PXDN: variants seen among roughly 807,000 people sequenced by gnomAD.
PXDN encodes peroxidasin, also known as peroxidasin homolog.
A neutral mutation model predicts 140.3 loss-of-function variants in PXDN; 77 were observed. That is an observed-to-expected ratio of 0.55 (90% CI 0.46 to 0.66). The LOEUF (loss-of-function observed/expected upper bound fraction) is 0.66. Ranked by LOEUF, PXDN falls within the 30% of genes least tolerant of loss-of-function variation. PXDN has a pLI of 0.00. For missense variants in PXDN, 1,838 were observed against 2,039.5 expected (o/e 0.90, Z 1.90); for synonymous variants, 911 against 857.4 (o/e 1.06, Z -1.09).
intron 1 of PXDN, among the ~76,000 whole-genome samples, chr2:1,703,333 A>G (rs866765555): frequency 0.032 from 69 of 2,144 alleles, no homozygotes; most frequent in Non-Finnish European, 0.04. Context: ...AGGTGAAGGG[A>G]GGGCAACTCC....
At chr2:1,666,052 G>A (rs930896388) in intron 10 of PXDN, among the ~76,000 whole-genome samples, 162 bp downstream of exon 10, 33 of 152,306 alleles carry the variant, frequency 2.2e-4, no homozygotes, top group Non-Finnish European at 3.4e-4. Flanking sequence ...AACTGCAGTC[G>A]TCTGTATTTA....
chr2:1,647,827 G>A (rs746008949), intron 17 of PXDN, among the ~76,000 whole-genome samples: 1 of 152,190 alleles, frequency 6.6e-6, no homozygotes, highest in Non-Finnish European at 1.5e-5. Flanking sequence ...TTTCTGGTGC[G>A]AACAGTGTAT....
chr2:1,689,923 T>TA (rs1282788639), intron 3 of PXDN, among the ~76,000 whole-genome samples: 1 of 152,208 alleles, frequency 6.6e-6, no homozygotes, highest in Non-Finnish European at 1.5e-5. Context: ...AGGGAAGGCT[T>TA]ATGCCTTACT....
intron 1 of PXDN, among the ~76,000 whole-genome samples, chr2:1,720,922 C>G (rs1294131670): frequency 6.6e-6 from 1 of 152,098 alleles, no homozygotes; most frequent in Non-Finnish European, 1.5e-5. Flanking sequence ...GCTACAGCCC[C>G]GGGGAAGCAT....
chr2:1,716,241 C>A (rs542130758), intron 1 of PXDN, among the ~76,000 whole-genome samples: 26 of 152,158 alleles, frequency 1.7e-4, no homozygotes, highest in Non-Finnish European at 3.5e-4. Context: ...AGTTTGAAAC[C>A]AGCCTGACCA....
chr2:1,693,925 C>A (rs1684239488), intron 1 of PXDN, among the ~76,000 whole-genome samples: 1 of 152,232 alleles, frequency 6.6e-6, no homozygotes, highest in Non-Finnish European at 1.5e-5. Flanking sequence ...GGGGGCAGCA[C>A]AGGCAGCCAG....
chr2:1,654,550 C>T (rs1265163020), intron 14 of PXDN, 42 bp from the exon 15 acceptor site: 1 of 1,292,282 alleles, frequency 7.7e-7, no homozygotes. Flanking sequence ...AAAAATACTG[C>T]ACAATTACTC....
chr2:1,633,958 T>C lies in PXDN; in HGVS notation c.*246A>G. The C allele has an allele frequency of 2.4e-6, 1 of 415,524 alleles. No homozygotes were observed. The allele number at this position is 415,524 out of a possible 1,614,324, so 25.7% of individuals were successfully genotyped here. A position where few individuals can be genotyped will look rare whatever the true frequency, so the allele number is the denominator to read the frequency against. ...ATTTTAAAAGAATTAAATAAAAACC[T>C]GAGAAGTCTAACGTGAAGCTAGGAC... On this transcript the variant is annotated 3_prime_UTR_variant, in exon 23 of 23. Coordinates refer to ENST00000252804, the MANE Select transcript of PXDN (RefSeq NM_012293.3).
At chr2:1,737,793 C>T (rs1685454650) in intron 1 of PXDN, among the ~76,000 whole-genome samples, 1 of 152,210 alleles carries the variant, frequency 6.6e-6, no homozygotes, top group Admixed American at 6.5e-5. Context: ...CCCACCTCAG[C>T]CTCCCAAAGT....
At chr2:1,637,691 C>T (rs1682602075) in intron 21 of PXDN, among the ~76,000 whole-genome samples, 1 of 128,316 alleles carries the variant, frequency 7.8e-6, no homozygotes, top group African/African-American at 3.0e-5. Context: ...GGACCTGCCA[C>T]ACGCTGTCCA....
intron 8 of PXDN, chr2:1,676,547 C>T (rs1683721445): frequency 3.9e-6 from 1 of 258,942 alleles, no homozygotes; most frequent in Non-Finnish European, 7.6e-6. Context: ...AGGTTGGTCA[C>T]AATGCCCCAG....
chr2:1,692,378 C>A (rs1236818851), intron 2 of PXDN, among the ~76,000 whole-genome samples: 1 of 152,198 alleles, frequency 6.6e-6, no homozygotes, highest in African/African-American at 2.4e-5. Context: ...GGTGGACAGA[C>A]GTGCCAGGAA....
chr2:1,728,958 C>T (rs554191190), intron 1 of PXDN, among the ~76,000 whole-genome samples: 1 of 152,304 alleles, frequency 6.6e-6, no homozygotes, highest in African/African-American at 2.4e-5. Context: ...ACCACCATGG[C>T]TAACCAGGCT....
At chr2:1,700,712 A>G (rs1300817392) in intron 1 of PXDN, among the ~76,000 whole-genome samples, 2 of 151,970 alleles carry the variant, frequency 1.3e-5, no homozygotes, top group Non-Finnish European at 2.9e-5. Context: ...TGTCTCTACT[A>G]AAAATACAAA....
intron 1 of PXDN, among the ~76,000 whole-genome samples, chr2:1,708,835 G>A (rs1458503939): frequency 2.6e-5 from 4 of 152,152 alleles, no homozygotes; most frequent in Non-Finnish European, 5.9e-5. Context: ...CGTGGAGTCT[G>A]GTGTGCCCGG....
At chr2:1,647,629 G>T (rs1483175865) in intron 17 of PXDN, among the ~76,000 whole-genome samples, 2 of 152,206 alleles carry the variant, frequency 1.3e-5, no homozygotes, top group Admixed American at 1.3e-4. Context: ...GGCGGTCATG[G>T]GCAGGTGGCC....
Position 1,644,741 on chromosome 2 carries a change from G to C in PXDN, c.3620C>G (p.Ser1207Trp), listed in dbSNP as rs767043220. 6.5e-7 allele frequency: 1 copy of C among 1,549,810 alleles called. No individual in the cohort carries two copies. Among genetic ancestry groups the C allele is most frequent in the Non-Finnish European group, 8.8e-7 (1 of 1,140,722 alleles). ...CGGAAACAGGTCGATGTTGAGTGTC[G>C]AGCCATACAACCTAAAAAATAAAGA... ...IREKLKRLYGSTLNIDLFPAL... is the reference protein window; with the variant it reads ...IREKLKRLYGWTLNIDLFPAL... Residue 1207 changes from serine to tryptophan, a missense_variant, in exon 18 of 23, where the codon TCG becomes TGG. Ser to Trp is a radical substitution (Grantham distance 177). This residue lies in a region of PXDN where 850 missense variants were observed against 894.1 expected (regional missense o/e 0.95). Transcript: ENST00000252804.
intron 1 of PXDN, among the ~76,000 whole-genome samples, chr2:1,738,410 C>A (rs540327231): frequency 6.6e-6 from 1 of 152,196 alleles, no homozygotes; most frequent in African/African-American, 2.4e-5. Context: ...TGATGTGGGC[C>A]GGGCAGGACT....
At position 1,702,324 on chromosome 2, in the gene PXDN, CCT is replaced by C. The variant is rs1274406340; in HGVS notation, c.201-9192_201-9191del. 2.4e-4 allele frequency among the ~76,000 whole-genome samples: 36 copies of C among 152,346 alleles called. 1 individual carries two copies. The highest frequency in any genetic ancestry group is 1.7e-3 in the Admixed American group (26 of 15,310). On this transcript the variant is annotated intron_variant, in intron 1 of 22. Transcript: ENST00000252804. ...CCCCCCCAACCCCGGCACAGTGTCC[CCT>C]GTCACCGAGGCTTCCTCCAGGACGC...
Sources: gnomAD v4.1 joint callset for allele counts (sites outside exome capture counted in the v4.1 genomes callset) on GRCh38, gnomAD v4.1.1 for gene constraint, gnomAD v4.1.1 regional missense constraint, MANE v1.5 for transcripts, NCBI Gene and HGNC (gene_info 2026-07-23, HGNC 2026-07-21) for gene names.